The following HTRA2 variants were observed in gnomAD, a reference collection of about 807,000 sequenced individuals.
HTRA2 encodes HtrA serine peptidase 2, also known as serine protease HTRA2, mitochondrial.
A neutral mutation model predicts 42.2 loss-of-function variants in HTRA2; 24 were observed. The ratio of observed to expected loss-of-function variants is 0.57; its 90% CI spans 0.41 to 0.80. The LOEUF is 0.80. HTRA2 is among the 30% of genes least tolerant of loss of function. HTRA2 has a pLI of 0.00. For synonymous variants in HTRA2, 245 were observed against 255.8 expected (o/e 0.96, Z 0.40); for missense variants, 466 against 613.5 (o/e 0.76, Z 2.54).
Position 74,530,084 on chromosome 2 carries a change from G to A in HTRA2, c.78G>A (p.Gly26=). ...GGGCTTTGGGGGGCATTCGCTGGGG[G>A]AGGAGACCCCGTTTGACCCCTGACC... ...AWRALGGIRW[G]RRPRLTPDLR... The change falls in exon 1 of 8, where the codon GGG becomes GGA. Residue 26 remains glycine, a synonymous_variant. Coordinates refer to ENST00000258080, the MANE Select transcript of HTRA2 (RefSeq NM_013247.5). The surrounding 1 kb of genome is among the most constrained non-coding windows in gnomAD (Gnocchi z 7.4). 6.3e-7 allele frequency: 1 copy of A among 1,596,704 alleles called. No individual in the cohort carries two copies. The highest frequency in any genetic ancestry group is 8.6e-7 in the Non-Finnish European group (1 of 1,166,938).
Position 74,530,031 on chromosome 2 carries a change from G to A in HTRA2, c.25G>A (p.Gly9Ser). 6.4e-7 allele frequency: 1 copy of A among 1,552,810 alleles called. No homozygotes were observed. The highest frequency in any genetic ancestry group is 2.3e-5 in the East Asian group (1 of 43,840). The change falls in exon 1 of 8, where the codon GGT (glycine) becomes AGT (serine). Residue 9 changes from glycine to serine, a missense_variant. Gly to Ser is a moderately conservative substitution (Grantham distance 56). This residue lies in a region of HTRA2 where 222 missense variants were observed against 205.1 expected (regional missense o/e 1.08). Transcript: ENST00000258080. This position sits in a 1 kb window ranked among gnomAD's most constrained non-coding sequence, Gnocchi z 7.4. ...GATGGCTGCGCCGAGGGCGGGGCGGGGTGCAGGCTGGAGCCTTCGGGCATG... is the reference window on the plus strand; with the variant it reads ...GATGGCTGCGCCGAGGGCGGGGCGGAGTGCAGGCTGGAGCCTTCGGGCATG... MAAPRAGR[G>S]AGWSLRAWRA...
At position 74,530,409 on chromosome 2, in the gene HTRA2, G is replaced by T. The variant is rs774910238; in HGVS notation, c.403G>T (p.Val135Phe). ...GGGTCCTCCGGCCGTCCTCGCCGCC[G>T]TCCCTAGCCCGCCGCCCGCTTCTCC... Reference protein sequence around the residue: ...GRGPPAVLAAVPSPPPASPRS... With the variant: ...GRGPPAVLAAFPSPPPASPRS... Residue 135 changes from valine (V) to phenylalanine (F), a missense_variant, in exon 1 of 8, where the codon GTC (valine) becomes TTC (phenylalanine). Val to Phe is a conservative substitution (Grantham distance 50). Around this residue, in one of 3 missense-constraint regions of HTRA2, gnomAD observed 222 missense variants for 205.1 expected, o/e 1.08. Coordinates refer to ENST00000258080, the MANE Select transcript of HTRA2 (RefSeq NM_013247.5). The surrounding 1 kb of genome is among the most constrained non-coding windows in gnomAD (Gnocchi z 7.4). 1 of 1,598,598 alleles carries T rather than the reference G, an allele frequency of 6.3e-7. No individual in the cohort carries two copies. The highest frequency in any genetic ancestry group is 1.1e-5 in the South Asian group (1 of 90,346).
chr2:74,531,900 G>T lies in HTRA2; in HGVS notation c.1090G>T (p.Val364Leu). The change falls in exon 6 of 8, where the codon GTG (valine) becomes TTG (leucine). Residue 364 changes from valine to leucine, a missense_variant. Val to Leu is a conservative substitution (Grantham distance 32). Around this residue, in one of 3 missense-constraint regions of HTRA2, gnomAD observed 129 missense variants for 163.1 expected, o/e 0.79. Transcript: ENST00000258080. ...ISGSQRRYIG[V>L]MMLTLSPSIL... ...TGGGTCCCAGCGGCGCTACATTGGG[G>T]TGATGATGCTGACCCTGAGTCCCAG... The T allele has an allele frequency of 1.9e-6, 3 of 1,614,128 alleles. No individual in the cohort carries two copies. Among genetic ancestry groups the T allele is most frequent in the Non-Finnish European group, 2.5e-6 (3 of 1,180,028 alleles).
chr2:74,533,107 A>G lies in HTRA2; in HGVS notation c.*122A>G. Reference sequence around the variant, plus strand: ...GTGGGGGCAGGTCCCTCCAACCACCAGCACTGACTCCTGGGCTCTGAAGAA... The same window carrying G: ...GTGGGGGCAGGTCCCTCCAACCACCGGCACTGACTCCTGGGCTCTGAAGAA... On this transcript the variant is annotated 3_prime_UTR_variant, in exon 8 of 8. Transcript: ENST00000258080. The G allele has an allele frequency of 1.2e-6, 1 of 812,278 alleles. No individual in the cohort carries two copies. The highest frequency in any genetic ancestry group is 2.1e-6 in the Non-Finnish European group (1 of 482,152). 50.3% of individuals were successfully genotyped at this position (812,278 alleles called of 1,614,324 possible).
At chr2:74,531,815 A>T in intron 5 of HTRA2, 41 bp from the exon 6 acceptor site, 1 of 1,612,886 alleles carries the variant, frequency 6.2e-7, no homozygotes, top group Non-Finnish European at 8.5e-7. Flanking sequence ...CAGGGAAGGA[A>T]GGATGTAGCT....
At position 74,532,566 on chromosome 2, in the gene HTRA2, A is replaced by C. The variant is rs900613088; in HGVS notation, c.1116-53A>C. 1.0e-4 allele frequency: 142 copies of C among 1,416,770 alleles called. 1 individual carries two copies. The Admixed American group carries it at 2.4e-3, about 24-fold the overall frequency. The allele number at this position is 1,416,770 out of a possible 1,614,324, so 87.8% of individuals were successfully genotyped here. A position where few individuals can be genotyped will look rare whatever the true frequency, so the allele number is the denominator to read the frequency against. Reference sequence around the variant, plus strand: ...TGATGAGAGACTTGAGGTGGAACTCAGGATGGGGAGAATGCCTGGGTTTGG... The same window carrying C: ...TGATGAGAGACTTGAGGTGGAACTCCGGATGGGGAGAATGCCTGGGTTTGG... On this transcript the variant is annotated intron_variant, in intron 6 of 7. Coordinates refer to ENST00000258080, the MANE Select transcript of HTRA2 (RefSeq NM_013247.5).
chr2:74,531,192 G>A, intron 3 of HTRA2, 87 bp downstream of exon 3: 2 of 1,545,040 alleles, frequency 1.3e-6, no homozygotes, highest in Admixed American at 3.3e-5. Flanking sequence ...TATGGTGGAT[G>A]AGCCTATATA....
At position 74,531,679 on chromosome 2, in the gene HTRA2, T is replaced by C; in HGVS notation, c.1022T>C (p.Phe341Ser). The C allele has an allele frequency of 3.1e-6, 5 of 1,614,136 alleles. No homozygotes were observed. The highest frequency in any genetic ancestry group is 4.2e-6 in the Non-Finnish European group (5 of 1,180,038). ...FAIPSDRLRE[F>S]LHRGEKKNSS... ...ATCCCTTCTGATCGTCTTCGAGAGT[T>C]TCTGCATCGTGGGGAAAAGAAGAGT... Residue 341 changes from phenylalanine (F) to serine (S), a missense_variant, in exon 5 of 8, where the codon TTT becomes TCT. Physicochemically the swap from Phe to Ser is radical, Grantham distance 155 (BLOSUM62 -2). Around this residue, in one of 3 missense-constraint regions of HTRA2, gnomAD observed 129 missense variants for 163.1 expected, o/e 0.79. Transcript: ENST00000258080.
chr2:74,531,807 GGGAA>G, intron 5 of HTRA2, 45 bp from the exon 6 acceptor site: 3 of 1,612,356 alleles, frequency 1.9e-6, no homozygotes, highest in Non-Finnish European at 2.5e-6. Flanking sequence ...GAAGAGGGCA[GGGAA>G]GGAAGGATGT....
rs1675695944 is a variant in HTRA2 at position 74,532,650 on chromosome 2, A to G, written c.1147A>G (p.Ser383Gly). ...TGCTGAACTACAGCTTCGAGAACCA[A>G]GCTTTCCCGATGTTCAGCATGGTGT... ...ILAELQLREP[S>G]FPDVQHGVLI... is the part of the protein sequence containing the mutation. Residue 383 changes from serine to glycine, a missense_variant, in exon 7 of 8, where the codon AGC becomes GGC. By Grantham distance (56) the Ser-to-Gly change is moderately conservative. Around this residue, in one of 3 missense-constraint regions of HTRA2, gnomAD observed 129 missense variants for 163.1 expected, o/e 0.79. Coordinates refer to ENST00000258080, the MANE Select transcript of HTRA2 (RefSeq NM_013247.5). 1 of 1,613,584 alleles carries G rather than the reference A, an allele frequency of 6.2e-7. No homozygotes were observed. The highest frequency in any genetic ancestry group is 1.3e-5 in the African/African-American group (1 of 74,896).
chr2:74,533,507 C>T (rs931876203), downstream of HTRA2: 24 of 1,009,692 alleles, frequency 2.4e-5, no homozygotes, highest in African/African-American at 1.4e-4. Context: ...CTGATGAGTG[C>T]GGTTGCTGAC....
upstream of HTRA2, chr2:74,529,727 CG>C: frequency 6.6e-7 from 1 of 1,525,030 alleles, no homozygotes; most frequent in Non-Finnish European, 8.8e-7. Context: ...GGCATCCGCC[CG>C]GGGTGAGGGG....
At position 74,530,325 on chromosome 2, in the gene HTRA2, C is replaced by T; in HGVS notation, c.319C>T (p.Leu107=). The T allele has an allele frequency of 1.3e-6, 2 of 1,595,032 alleles. No individual in the cohort carries two copies. Among genetic ancestry groups the T allele is most frequent in the African/African-American group, 1.3e-5 (1 of 74,392 alleles). Residue 107 remains leucine (L), a synonymous_variant, in exon 1 of 8, where the codon CTG becomes TTG. Transcript: ENST00000258080. This position sits in a 1 kb window ranked among gnomAD's most constrained non-coding sequence, Gnocchi z 7.4. ...ENSGTRSRAW[L]AVALGAGGAV... ...CTCTGGAACCCGTTCGCGCGCGTGG[C>T]TGGCGGTGGCGCTGGGCGCTGGGGG...
At chr2:74,529,690 G>A (rs1244448476), upstream of HTRA2, 6 of 1,538,698 alleles carry the variant, frequency 3.9e-6, no homozygotes, top group Non-Finnish European at 3.5e-6. Flanking sequence ...CCCGGCCGCA[G>A]GGGCTCTTGG....
intron 3 of HTRA2, 79 bp downstream of exon 3, chr2:74,531,184 T>C: frequency 1.9e-6 from 3 of 1,552,218 alleles, no homozygotes; most frequent in Non-Finnish European, 2.7e-6. Context: ...AACTGATATA[T>C]GGTGGATGAG....
In HTRA2 at chr2:74,529,965, C is replaced by T. The variant is rs913792802; in HGVS notation, c.-42C>T. ...CCGCCTGCTCGCGTCCTGGGTGCCG[C>T]CTCTGAGTAGGGCGGGCGAGGAGGC... On this transcript the variant is annotated 5_prime_UTR_variant, in exon 1 of 8. Coordinates refer to ENST00000258080, the MANE Select transcript of HTRA2 (RefSeq NM_013247.5). The T allele has an allele frequency of 2.2e-5, 33 of 1,504,470 alleles. No homozygotes were observed. The highest frequency in any genetic ancestry group is 2.8e-5 in the Non-Finnish European group (32 of 1,130,318). 93.2% of individuals were successfully genotyped at this position (1,504,470 alleles called of 1,614,324 possible).
chr2:74,529,691 G>A (rs756706815), upstream of HTRA2: 105 of 1,538,700 alleles, frequency 6.8e-5, no homozygotes, highest in Non-Finnish European at 8.5e-5. Context: ...CCGGCCGCAG[G>A]GGCTCTTGGG....
chr2:74,529,648 G>A (rs886056340), upstream of HTRA2: 7 of 1,551,348 alleles, frequency 4.5e-6, no homozygotes, highest in African/African-American at 2.7e-5. Flanking sequence ...CTTCAGGAGC[G>A]CCCGGCCGTC....
rs758014931 is a variant in HTRA2, at chr2:74,530,749, C to T, written c.639C>T (p.Gly213=). The change falls in exon 2 of 8, where the codon GGC becomes GGT. Residue 213 remains glycine (G), a synonymous_variant. Coordinates refer to ENST00000258080, the MANE Select transcript of HTRA2 (RefSeq NM_013247.5). The surrounding 1 kb of genome is among the most constrained non-coding windows in gnomAD (Gnocchi z 7.4). ...RRRVRVRLLS[G]DTYEAVVTAV... ...GAGTCCGTGTGAGACTGCTAAGCGG[C>T]GACACGTATGAGGCCGTGGTCACAG... 1.3e-5 allele frequency: 21 copies of T among 1,614,054 alleles called. No individual in the cohort carries two copies. Among genetic ancestry groups the T allele is most frequent in the Non-Finnish European group, 1.8e-5 (21 of 1,180,038 alleles).
Sources: allele counts gnomAD v4.1 joint callset, GRCh38; gene constraint gnomAD v4.1.1; regional missense constraint gnomAD v4.1.1; non-coding constraint Gnocchi (gnomAD v3.1); transcripts MANE v1.5; gene names NCBI Gene and HGNC (gene_info 2026-07-23, HGNC 2026-07-21).